Variants in SERPINA6 observed in about 807,000 individuals in gnomAD.
SERPINA6 encodes corticosteroid-binding globulin.
In SERPINA6, 19 loss-of-function variants were observed where a neutral mutation model predicts 26.4. The observed-to-expected ratio is 0.72, with a 90% CI of 0.50 to 1.06. The LOEUF (loss-of-function observed/expected upper bound fraction) is 1.06, where lower values mean the gene tolerates loss of function less well. Ranked by LOEUF, SERPINA6 falls within the 50% of genes least tolerant of loss-of-function variation. The pLI is 0.00. For missense variants in SERPINA6, 473 were observed against 504.0 expected, an observed-to-expected ratio of 0.94 and a Z score of 0.59; for synonymous variants, 196 against 199.4, an observed-to-expected ratio of 0.98 and a Z score of 0.14.
intron 3 of SERPINA6, among the ~76,000 whole-genome samples, chr14:94,307,607 T>C (rs1895461529): frequency 6.6e-6 from 1 of 152,204 alleles, no homozygotes; most frequent in Admixed American, 6.5e-5. Flanking sequence ...CCCCTTGTGG[T>C]ATTACACCTA....
intron 1 of SERPINA6, among the ~76,000 whole-genome samples, chr14:94,319,842 T>G (rs1270803344): frequency 6.6e-6 from 1 of 152,072 alleles, no homozygotes; most frequent in Admixed American, 6.6e-5. Context: ...AGAGTTTCAG[T>G]CTGGGATGAT....
intron 3 of SERPINA6, among the ~76,000 whole-genome samples, chr14:94,309,370 C>T (rs71431631): frequency 0.21 from 31,375 of 151,956 alleles, 3,419 homozygotes; most frequent in Non-Finnish European, 0.25. Flanking sequence ...TTTAGCAGGG[C>T]GTGGTTTCAG....
intron 1 of SERPINA6, among the ~76,000 whole-genome samples, chr14:94,318,286 T>C (rs957959269): frequency 2.0e-5 from 3 of 152,206 alleles, no homozygotes; most frequent in Non-Finnish European, 2.9e-5. Context: ...CCTATCAAAA[T>C]TCCAGTTCTG....
Position 94,306,185 on chromosome 14 carries a change from G to A in SERPINA6, c.918C>T (p.Ile306=), listed in dbSNP as rs958767649. 2 of 1,614,206 alleles carry A rather than the reference G, an allele frequency of 1.2e-6. No individual in the cohort carries two copies. Among genetic ancestry groups the A allele is most frequent in the Admixed American group, 1.7e-5 (1 of 60,024 alleles). The part of the protein sequence containing the change: ...QVDLYIPKVT[I]SGVYDLGDVL... ...CATCTCCGAGGTCATAGACTCCAGA[G>A]ATGGTGACCTTTGGAATGTACAGGT... The change falls in exon 4 of 5, where the codon ATC becomes ATT. Residue 306 remains isoleucine (I), a synonymous_variant. Coordinates refer to ENST00000341584, the MANE Select transcript of SERPINA6 (RefSeq NM_001756.4).
rs61194802 is a variant in SERPINA6, at chr14:94,312,500, C to G, written c.613+1536G>C. On this transcript the variant is annotated intron_variant, in intron 2 of 4. Transcript: ENST00000341584. Reference sequence around the variant, plus strand: ...GAATCTCCCAAAGAGACAAAGATACCCTGCACAAGAGTGCACAGTCTCGTG... The same window carrying G: ...GAATCTCCCAAAGAGACAAAGATACGCTGCACAAGAGTGCACAGTCTCGTG... Among the ~76,000 whole-genome samples, 508 of 152,324 alleles carry G rather than the reference C, an allele frequency of 3.3e-3. 14 individuals carry two copies. In the South Asian group the frequency reaches 0.064, roughly 19 times the overall value.
chr14:94,305,953 G>A, intron 4 of SERPINA6, 118 bp downstream of exon 4: 1 of 1,162,398 alleles, frequency 8.6e-7, no homozygotes, highest in Non-Finnish European at 1.3e-6. Flanking sequence ...TCAACCTGGG[G>A]TTCTCAGCCA....
At chr14:94,306,433 G>T (rs755042256) in intron 3 of SERPINA6, among the ~76,000 whole-genome samples, 10 of 151,764 alleles carry the variant, frequency 6.6e-5, no homozygotes, top group Admixed American at 2.0e-4. Flanking sequence ...TTCCCACGGG[G>T]CCTCTGAATT....
chr14:94,316,643 T>A (rs141817570), intron 1 of SERPINA6, among the ~76,000 whole-genome samples: 5 of 152,346 alleles, frequency 3.3e-5, no homozygotes, highest in African/African-American at 9.6e-5. Flanking sequence ...AAGGAATTAG[T>A]GCCTACATAA....
chr14:94,321,566 C>G (rs1895685292), intron 1 of SERPINA6, among the ~76,000 whole-genome samples: 1 of 152,196 alleles, frequency 6.6e-6, no homozygotes, highest in African/African-American at 2.4e-5. Flanking sequence ...TGCAGTTCCC[C>G]AGGGCAGGTC....
chr14:94,304,712 G>A (rs563418079), intron 4 of SERPINA6, 109 bp from the exon 5 acceptor site: 8 of 868,704 alleles, frequency 9.2e-6, no homozygotes, highest in South Asian at 8.3e-5. Context: ...GTAAATCCAG[G>A]GTCAGAGAAG....
rs922069031 is a variant in SERPINA6 at position 94,314,350 on chromosome 14, C to T, written c.299G>A (p.Arg100Lys). 7 of 1,614,026 alleles carry T rather than the reference C, an allele frequency of 4.3e-6. No homozygotes were observed. The African/African-American group carries it at 9.3e-5, about 22-fold the overall frequency. ...LQGLGFNLTE[R>K]SETEIHQGFQ... ...ACCCTGGTGGATCTCAGTCTCAGAC[C>T]TCTCAGTGAGGTTGAAACCCAGGCC... The change falls in exon 2 of 5, where the codon AGG becomes AAG. Residue 100 changes from arginine (R) to lysine (K), a missense_variant. Transcript: ENST00000341584.
chr14:94,305,652 C>G (rs1895426865), intron 4 of SERPINA6, among the ~76,000 whole-genome samples: 1 of 152,196 alleles, frequency 6.6e-6, no homozygotes, highest in Admixed American at 6.5e-5. Context: ...GCATGAATAA[C>G]AGAACATAAA....
Position 94,304,391 on chromosome 14 carries a change from G to C in SERPINA6, c.*27C>G. 6.2e-7 allele frequency: 1 copy of C among 1,610,664 alleles called. No individual in the cohort carries two copies. Among genetic ancestry groups the C allele is most frequent in the Non-Finnish European group, 8.5e-7 (1 of 1,176,852 alleles). On this transcript the variant is annotated 3_prime_UTR_variant, in exon 5 of 5. Coordinates refer to ENST00000341584, the MANE Select transcript of SERPINA6 (RefSeq NM_001756.4). ...GATCCCTGGTTCCCAAAGTCAGACAGTGCTGAGGCTCTGGGTGGGTGGTCT... is the reference window on the plus strand; with the variant it reads ...GATCCCTGGTTCCCAAAGTCAGACACTGCTGAGGCTCTGGGTGGGTGGTCT...
intron 1 of SERPINA6, among the ~76,000 whole-genome samples, chr14:94,317,891 A>G (rs1895633756): frequency 6.6e-6 from 1 of 152,234 alleles, no homozygotes; most frequent in Non-Finnish European, 1.5e-5. Flanking sequence ...CCATATTTGA[A>G]AAGAAGAAGT....
chr14:94,314,997 G>C (rs1895593437), intron 1 of SERPINA6, among the ~76,000 whole-genome samples: 1 of 152,214 alleles, frequency 6.6e-6, no homozygotes, highest in South Asian at 2.1e-4. Flanking sequence ...TAGGTGCTCA[G>C]AAAGGTTAAA....
intron 4 of SERPINA6, 57 bp from the exon 5 acceptor site, chr14:94,304,660 T>C (rs1895410827): frequency 2.1e-6 from 3 of 1,456,360 alleles, no homozygotes; most frequent in Non-Finnish European, 2.9e-6. Context: ...CTCGCTTTCC[T>C]GACTCATTGC....
At chr14:94,313,926 T>C in intron 2 of SERPINA6, 110 bp downstream of exon 2, 1 of 1,117,978 alleles carries the variant, frequency 8.9e-7, no homozygotes, top group Non-Finnish European at 1.4e-6. Context: ...CCCAGATGTG[T>C]ATGTGCTTTA....
At chr14:94,322,702 C>T (rs1895700444) in intron 1 of SERPINA6, among the ~76,000 whole-genome samples, 1 of 152,222 alleles carries the variant, frequency 6.6e-6, no homozygotes, top group African/African-American at 2.4e-5. Flanking sequence ...TCTTGACCTT[C>T]TGTAGTGAAA....
Position 94,314,335 on chromosome 14 carries a change from A to C in SERPINA6, c.314T>G (p.Ile105Ser). The C allele has an allele frequency of 6.2e-7, 1 of 1,614,160 alleles. No individual in the cohort carries two copies. The highest frequency in any genetic ancestry group is 8.5e-7 in the Non-Finnish European group (1 of 1,180,024). Reference protein sequence around the residue: ...FNLTERSETEIHQGFQHLHQL... With the variant: ...FNLTERSETESHQGFQHLHQL... ...GTGCAGGTGCTGGAAACCCTGGTGGATCTCAGTCTCAGACCTCTCAGTGAG... is the reference window on the plus strand; with the variant it reads ...GTGCAGGTGCTGGAAACCCTGGTGGCTCTCAGTCTCAGACCTCTCAGTGAG... The change falls in exon 2 of 5, where the codon ATC becomes AGC. Residue 105 changes from isoleucine (I) to serine (S), a missense_variant. Transcript: ENST00000341584.
Sources: gnomAD v4.1 joint callset for allele counts (sites outside exome capture counted in the v4.1 genomes callset) on GRCh38, gnomAD v4.1.1 for gene constraint, MANE v1.5 for transcripts, NCBI Gene and HGNC (gene_info 2026-07-23, HGNC 2026-07-21) for gene names.